Variants in PKHD1 observed in about 807,000 individuals in gnomAD.
PKHD1 encodes the protein fibrocystin.
PKHD1 carries 291 observed loss-of-function variants against 412.0 expected under a neutral mutation model. That is an observed-to-expected ratio of 0.71 (90% CI 0.64 to 0.78). The LOEUF is 0.78. Ranked by LOEUF, PKHD1 falls within the 30% of genes least tolerant of loss-of-function variation. The probability of loss-of-function intolerance (pLI) is 0.00; values close to 1 mark genes in which losing one functional copy is unlikely to be tolerated. For synonymous variants in PKHD1, 1,777 were observed against 1,821.5 expected (o/e 0.98, Z 0.62); for missense variants, 4,825 against 4,950.7 (o/e 0.97, Z 0.76).
intron 50 of PKHD1, among the ~76,000 whole-genome samples, chr6:51,846,141 A>C (rs1261312425): frequency 6.6e-6 from 1 of 152,242 alleles, no homozygotes; most frequent in Non-Finnish European, 1.5e-5. Flanking sequence ...TCAGAAATAA[A>C]ATTTGAATGG....
At chr6:51,688,133 C>T (rs976060500) in intron 60 of PKHD1, among the ~76,000 whole-genome samples, 3 of 152,192 alleles carry the variant, frequency 2.0e-5, no homozygotes, top group Admixed American at 2.0e-4. Flanking sequence ...ATGAAGTGCA[C>T]AGAAAGAGAT....
chr6:51,887,173 G>A lies in PKHD1; in HGVS notation c.7069C>T (p.Leu2357Phe), dbSNP rs1778346251. ...LMTNQTSQAPLLSFTQNIAHS... is the reference protein window; with the variant it reads ...LMTNQTSQAPFLSFTQNIAHS... ...GCAATGTTCTGAGTGAAGGAAAGAAGCGGAGCTTGTGATGTTTGGTTGGTC... is the reference window on the plus strand; with the variant it reads ...GCAATGTTCTGAGTGAAGGAAAGAAACGGAGCTTGTGATGTTTGGTTGGTC... Residue 2357 changes from leucine (L) to phenylalanine (F), a missense_variant, in exon 44 of 67, where the codon CTT (leucine) becomes TTT (phenylalanine). Coordinates refer to ENST00000371117, the MANE Select transcript of PKHD1 (RefSeq NM_138694.4). 1.9e-6 allele frequency: 3 copies of A among 1,613,296 alleles called. No homozygotes were observed. Among genetic ancestry groups the A allele is most frequent in the Non-Finnish European group, 2.5e-6 (3 of 1,179,234 alleles).
At chr6:51,696,067 T>G (rs1778768114) in intron 60 of PKHD1, among the ~76,000 whole-genome samples, 1 of 152,214 alleles carries the variant, frequency 6.6e-6, no homozygotes, top group Admixed American at 6.5e-5. Flanking sequence ...TAATAAAAAC[T>G]TCTTCTAAGA....
chr6:52,008,499 G>A (rs948931960), intron 35 of PKHD1, among the ~76,000 whole-genome samples: 5 of 152,038 alleles, frequency 3.3e-5, no homozygotes, highest in African/African-American at 1.2e-4. Flanking sequence ...TGTCACATAA[G>A]GATTTTTAAA....
Position 51,616,205 on chromosome 6 carries a change from A to T in PKHD1, c.*2876T>A, listed in dbSNP as rs1403146451. On this transcript the variant is annotated 3_prime_UTR_variant, in exon 67 of 67. Transcript: ENST00000371117. ...CATTTTTTGTGGTGAGAACACTTAA[A>T]ATGTACTTTCAAACACTTTTGAACT... 6.5e-6 allele frequency: 1 copy of T among 153,202 alleles called. No individual in the cohort carries two copies. Among genetic ancestry groups the T allele is most frequent in the African/African-American group, 2.4e-5 (1 of 41,502 alleles). 9.5% of individuals were successfully genotyped at this position (153,202 alleles called of 1,614,324 possible).
At chr6:52,072,314 A>G (rs1810742469) in intron 7 of PKHD1, 125 bp from the exon 8 acceptor site, 9 of 719,650 alleles carry the variant, frequency 1.3e-5, no homozygotes, top group Non-Finnish European at 2.0e-5. Context: ...TTTCTGCACT[A>G]TTGCAGGTGG....
chr6:51,680,394 G>C (rs1490113982), intron 60 of PKHD1, among the ~76,000 whole-genome samples: 1 of 151,900 alleles, frequency 6.6e-6, no homozygotes, highest in African/African-American at 2.4e-5. Context: ...ACTTTTAAAG[G>C]TGTTTACACT....
intron 49 of PKHD1, among the ~76,000 whole-genome samples, chr6:51,849,473 G>A (rs894125698): frequency 2.6e-5 from 4 of 152,184 alleles, no homozygotes; most frequent in African/African-American, 7.2e-5. Flanking sequence ...TTGCCATACT[G>A]TCTTCCACAA....
chr6:52,013,209 T>G (rs1314710237), intron 34 of PKHD1, among the ~76,000 whole-genome samples: 3 of 152,206 alleles, frequency 2.0e-5, no homozygotes, highest in Non-Finnish European at 2.9e-5. Flanking sequence ...TGCCCTTTCC[T>G]GACTCTTCGC....
At chr6:51,852,527 T>C (rs796867293) in intron 49 of PKHD1, among the ~76,000 whole-genome samples, 74 of 152,314 alleles carry the variant, frequency 4.9e-4, no homozygotes, top group African/African-American at 1.7e-3. Flanking sequence ...TATTATTGTG[T>C]GGGAGTCTAA....
chr6:51,799,644 A>G (rs545460650), intron 52 of PKHD1, among the ~76,000 whole-genome samples: 13 of 152,194 alleles, frequency 8.5e-5, no homozygotes, highest in African/African-American at 2.4e-4. Context: ...AGCTAGTTAC[A>G]TGAGCAAAAG....
At chr6:51,635,858 T>TGGG (rs1189431938) in intron 64 of PKHD1, among the ~76,000 whole-genome samples, 1 of 16,420 alleles carries the variant, frequency 6.1e-5, no homozygotes, top group Non-Finnish European at 1.2e-4. Context: ...GTGGTGAAGG[T>TGGG]GGGGGGGGGC....
At chr6:51,775,755 A>T (rs1217346551) in intron 54 of PKHD1, 53 bp downstream of exon 54, 1 of 866,134 alleles carries the variant, frequency 1.2e-6, no homozygotes, top group East Asian at 2.5e-5. Context: ...ACACAAGCAC[A>T]CAATACACAC....
intron 34 of PKHD1, among the ~76,000 whole-genome samples, chr6:52,015,499 G>A (rs1460053940): frequency 6.6e-6 from 1 of 152,100 alleles, no homozygotes; most frequent in Non-Finnish European, 1.5e-5. Context: ...TTAAATCATA[G>A]GGCACTTATT....
chr6:51,814,537 C>T (rs935561918), intron 52 of PKHD1, among the ~76,000 whole-genome samples: 2 of 152,218 alleles, frequency 1.3e-5, no homozygotes, highest in Non-Finnish European at 2.9e-5. Context: ...ACAAGCTGCT[C>T]ACTAGCTAAA....
At chr6:51,887,013 A>C in intron 44 of PKHD1, 120 bp downstream of exon 44, 1 of 736,296 alleles carries the variant, frequency 1.4e-6, no homozygotes, top group Non-Finnish European at 2.5e-6. Context: ...GTTTCAGAAA[A>C]TGCACAGGAA....
chr6:51,883,013 T>C (rs1182646038), intron 46 of PKHD1, 80 bp downstream of exon 46: 9 of 1,054,530 alleles, frequency 8.5e-6, no homozygotes, highest in Non-Finnish European at 1.3e-5. Flanking sequence ...TAAAATTGCA[T>C]ATCCTGGATC....
intron 48 of PKHD1, among the ~76,000 whole-genome samples, chr6:51,862,986 A>G (rs980811835): frequency 6.6e-6 from 1 of 152,242 alleles, no homozygotes; most frequent in African/African-American, 2.4e-5. Context: ...CTATTCAATT[A>G]GTATTATGCC....
At chr6:52,081,112 T>C (rs1582147323) in intron 4 of PKHD1, among the ~76,000 whole-genome samples, 1 of 152,094 alleles carries the variant, frequency 6.6e-6, no homozygotes, top group Non-Finnish European at 1.5e-5. Context: ...TCAATTAGTA[T>C]ATTTAATAGG....
Sources: allele counts gnomAD v4.1 joint callset (sites outside exome capture counted in the v4.1 genomes callset), GRCh38; gene constraint gnomAD v4.1.1; transcripts MANE v1.5; gene names NCBI Gene and HGNC (gene_info 2026-07-23, HGNC 2026-07-21).